Variants in LRP1B observed in about 807,000 individuals in gnomAD.
LRP1B encodes the protein LDL receptor related protein 1B, also known as low-density lipoprotein receptor-related protein 1B.
A neutral mutation model predicts 556.6 loss-of-function variants in LRP1B; 217 were observed. That is an observed-to-expected ratio of 0.39 (90% confidence interval 0.35 to 0.44). The LOEUF (loss-of-function observed/expected upper bound fraction) is 0.44. Among genes scored for constraint, LRP1B ranks in the 20% least tolerant of loss-of-function variants. The pLI is 1.00. For missense variants in LRP1B, 5,053 were observed against 5,620.8 expected (o/e 0.90, Z 3.23); for synonymous variants, 2,047 against 1,865.8 (o/e 1.10, Z -2.50).
chr2:140,701,818 C>T lies in LRP1B; in HGVS notation c.6330G>A (p.Arg2110=), dbSNP rs774155695. The T allele has an allele frequency of 3.7e-6, 6 of 1,612,998 alleles. No individual in the cohort carries two copies. The highest frequency in any genetic ancestry group is 1.7e-5 in the Admixed American group (1 of 59,864). Residue 2110 remains arginine (R), a synonymous_variant, in exon 40 of 91, where the codon AGG becomes AGA. Coordinates refer to ENST00000389484, the MANE Select transcript of LRP1B (RefSeq NM_018557.3). ...DRAHANGSVR[R]GHKNDATETI... Reference sequence around the variant, plus strand: ...TTTCTGTGGCATCATTCTTGTGGCCCCTTCTGACAGACCCGTTTGCATGTG... The same window carrying T: ...TTTCTGTGGCATCATTCTTGTGGCCTCTTCTGACAGACCCGTTTGCATGTG...
At chr2:141,648,154 T>C (rs1347422963) in intron 2 of LRP1B, among the ~76,000 whole-genome samples, 1 of 152,052 alleles carries the variant, frequency 6.6e-6, no homozygotes. Flanking sequence ...AGTTTTGTGC[T>C]GTGAAGAAAC....
At chr2:141,474,979 A>G (rs559412583) in intron 3 of LRP1B, among the ~76,000 whole-genome samples, 5 of 152,194 alleles carry the variant, frequency 3.3e-5, no homozygotes, top group African/African-American at 1.2e-4. Flanking sequence ...TAAAAGGTAG[A>G]ATTCCTCTTT....
chr2:141,915,989 A>T (rs991879161), intron 1 of LRP1B, among the ~76,000 whole-genome samples: 2 of 152,376 alleles, frequency 1.3e-5, no homozygotes, highest in East Asian at 3.9e-4. Flanking sequence ...TGGAAATGCA[A>T]ATTAGTTCAG....
chr2:141,443,020 T>C (rs1213062634), intron 3 of LRP1B, among the ~76,000 whole-genome samples: 2 of 152,148 alleles, frequency 1.3e-5, no homozygotes, highest in Non-Finnish European at 2.9e-5. Flanking sequence ...TCTTCCACAA[T>C]GTTTGAACTA....
At chr2:140,694,756 T>C (rs1374632388) in intron 41 of LRP1B, among the ~76,000 whole-genome samples, 1 of 152,164 alleles carries the variant, frequency 6.6e-6, no homozygotes, top group Non-Finnish European at 1.5e-5. Context: ...TGTATCTTAC[T>C]GCCTCTAACA....
At chr2:140,278,575 G>A (rs950359095) in intron 84 of LRP1B, among the ~76,000 whole-genome samples, 6 of 151,732 alleles carry the variant, frequency 4.0e-5, no homozygotes, top group South Asian at 2.1e-4. Context: ...TGTCAGATGC[G>A]CATTATTCAA....
At chr2:141,664,373 G>T (rs991900741) in intron 2 of LRP1B, among the ~76,000 whole-genome samples, 2 of 152,158 alleles carry the variant, frequency 1.3e-5, no homozygotes, top group Admixed American at 6.6e-5. Context: ...TCAGACAAGA[G>T]AAAGAAATAA....
chr2:142,121,517 G>T (rs1410879706), intron 1 of LRP1B, among the ~76,000 whole-genome samples: 1 of 152,040 alleles, frequency 6.6e-6, no homozygotes. Flanking sequence ...TTCCTCTCAA[G>T]GGTTGCATAG....
At chr2:141,890,563 A>C (rs908557207) in intron 1 of LRP1B, among the ~76,000 whole-genome samples, 2 of 151,826 alleles carry the variant, frequency 1.3e-5, no homozygotes, top group African/African-American at 4.8e-5. Flanking sequence ...TTATTGCATG[A>C]ACCATACAAT....
At chr2:140,926,876 C>T (rs1036525657) in intron 20 of LRP1B, among the ~76,000 whole-genome samples, 1 of 152,062 alleles carries the variant, frequency 6.6e-6, no homozygotes, top group Non-Finnish European at 1.5e-5. Context: ...CTGAGTGTTT[C>T]TTTATCTCCC....
At chr2:140,351,319 A>C (rs1205474130) in intron 76 of LRP1B, among the ~76,000 whole-genome samples, 1 of 151,970 alleles carries the variant, frequency 6.6e-6, no homozygotes, top group Non-Finnish European at 1.5e-5. Flanking sequence ...AAGAGAGATT[A>C]TTATTTGATA....
chr2:141,900,506 A>G (rs1453665531), intron 1 of LRP1B, among the ~76,000 whole-genome samples: 1 of 152,008 alleles, frequency 6.6e-6, no homozygotes, highest in Non-Finnish European at 1.5e-5. Flanking sequence ...AAATACTAGT[A>G]ATAATATGGT....
chr2:141,345,040 C>T (rs1264200466), intron 3 of LRP1B, among the ~76,000 whole-genome samples: 1 of 151,914 alleles, frequency 6.6e-6, no homozygotes, highest in Non-Finnish European at 1.5e-5. Flanking sequence ...AGGGTCCTTA[C>T]AAGTGAAAGG....
intron 43 of LRP1B, among the ~76,000 whole-genome samples, chr2:140,564,815 T>C (rs1238485811): frequency 6.6e-6 from 1 of 152,124 alleles, no homozygotes; most frequent in African/African-American, 2.4e-5. Context: ...AAGCTCTTTG[T>C]TATAAAAGTA....
intron 2 of LRP1B, among the ~76,000 whole-genome samples, chr2:141,545,856 T>G (rs1388172521): frequency 1.3e-5 from 2 of 152,036 alleles, no homozygotes; most frequent in Admixed American, 6.6e-5. Context: ...GAAACAGATT[T>G]CCCCCACATA....
intron 1 of LRP1B, among the ~76,000 whole-genome samples, chr2:141,918,236 C>G (rs1202878366): frequency 6.6e-6 from 1 of 151,712 alleles, no homozygotes; most frequent in Non-Finnish European, 1.5e-5. Context: ...TAATTATTTT[C>G]TTATATATAT....
At chr2:141,474,034 T>TC (rs1559091456) in intron 3 of LRP1B, among the ~76,000 whole-genome samples, 53 of 122,208 alleles carry the variant, frequency 4.3e-4, no homozygotes, top group African/African-American at 1.8e-3. Flanking sequence ...CTTCCTTCCT[T>TC]CCTTCCTTCC....
intron 86 of LRP1B, among the ~76,000 whole-genome samples, chr2:140,252,089 A>AAAAAAAAAAAAAAAC (rs1558926907): frequency 1.5e-5 from 1 of 67,252 alleles, no homozygotes; most frequent in African/African-American, 5.9e-5. Flanking sequence ...AAAAAAAAAA[A>AAAAAAAAAAAAAAAC]CCCAAAAAAC....
chr2:140,270,457 A>T (rs1400007644), intron 85 of LRP1B, 111 bp from the exon 86 acceptor site: 19 of 669,396 alleles, frequency 2.8e-5, no homozygotes, highest in Non-Finnish European at 4.5e-5. Flanking sequence ...GGAGAGATGG[A>T]GTGGCTGGTT....
Sources: allele counts gnomAD v4.1 joint callset (sites outside exome capture counted in the v4.1 genomes callset), GRCh38; gene constraint gnomAD v4.1.1; transcripts MANE v1.5; gene names NCBI Gene and HGNC (gene_info 2026-07-23, HGNC 2026-07-21).